The following PSIP1 variants were observed in gnomAD, a reference collection of about 807,000 sequenced individuals.
PSIP1 encodes the protein PC4 and SRSF1 interacting protein 1.
PSIP1 carries 19 observed loss-of-function variants against 74.7 expected under a neutral mutation model. That is an observed-to-expected ratio of 0.25 (90% confidence interval 0.18 to 0.37). The LOEUF (loss-of-function observed/expected upper bound fraction) is 0.37, where lower values mean the gene tolerates loss of function less well. Among genes scored for constraint, PSIP1 ranks in the 10% least tolerant of loss-of-function variants. The pLI is 1.00. For synonymous variants in PSIP1, 222 were observed against 195.3 expected, an observed-to-expected ratio of 1.14 and a Z score of -1.14; for missense variants, 601 against 614.3, an observed-to-expected ratio of 0.98 and a Z score of 0.23.
chr9:15,507,573 G>C (rs1054904604), intron 2 of PSIP1, among the ~76,000 whole-genome samples: 1 of 152,052 alleles, frequency 6.6e-6, no homozygotes, highest in South Asian at 2.1e-4. Flanking sequence ...GGGCAACAGA[G>C]GTTGCAGTGA....
In PSIP1 at chr9:15,501,817, T is replaced by A. The variant is rs138491194; in HGVS notation, c.149+4744A>T. On this transcript the variant is annotated intron_variant, in intron 3 of 15. Coordinates refer to ENST00000380733, the MANE Select transcript of PSIP1 (RefSeq NM_033222.5). ...CTGCAGATACCAAAATTCACAGATG[T>A]TTAAGTCCCTTATATAAAACAGCAT... 4.1e-3 allele frequency among the ~76,000 whole-genome samples: 551 copies of A among 133,688 alleles called. 7 individuals carry two copies. The highest frequency in any genetic ancestry group is 0.017 in the African/African-American group (513 of 30,750). The allele number at this position is 133,688 out of a possible 152,430, so 87.7% of individuals were successfully genotyped here. A position where few individuals can be genotyped will look rare whatever the true frequency, so the allele number is the denominator to read the frequency against.
chr9:15,507,595 G>A (rs1285384058), intron 2 of PSIP1, among the ~76,000 whole-genome samples: 1 of 152,062 alleles, frequency 6.6e-6, no homozygotes, highest in Non-Finnish European at 1.5e-5. Context: ...CCGAGATCAT[G>A]CCACTGCACT....
chr9:15,480,635 T>C (rs1015580130), intron 6 of PSIP1, among the ~76,000 whole-genome samples: 1 of 152,202 alleles, frequency 6.6e-6, no homozygotes. Context: ...CAAATCTCTA[T>C]ATAGGGCTGG....
In PSIP1 at chr9:15,497,713, G is replaced by A. The variant is rs1193435798; in HGVS notation, c.150-7589C>T. Among the ~76,000 whole-genome samples the A allele has an allele frequency of 2.6e-5, 4 of 151,962 alleles. No homozygotes were observed. The East Asian group carries it at 7.7e-4, about 29-fold the overall frequency. On this transcript the variant is annotated intron_variant, in intron 3 of 15. Coordinates refer to ENST00000380733, the MANE Select transcript of PSIP1 (RefSeq NM_033222.5). ...GTGGGAAAGAAGATTGGGTAGAAAT[G>A]GAAAGTAAATGCTAATGAATACATG...
Position 15,474,477 on chromosome 9 carries a change from A to T in PSIP1, c.630-240T>A, listed in dbSNP as rs1286774790. Among the ~76,000 whole-genome samples, 3 of 152,238 alleles carry T rather than the reference A, an allele frequency of 2.0e-5. No homozygotes were observed. In the East Asian group the frequency reaches 5.8e-4, roughly 29 times the overall value. ...TAAATTCTACATATTTGTAAGAATA[A>T]ATTATGTTTAAAAAGTAGACACACT... On this transcript the variant is annotated intron_variant, in intron 8 of 15. Transcript: ENST00000380733.
At chr9:15,494,295 G>C (rs939838033) in intron 3 of PSIP1, among the ~76,000 whole-genome samples, 6 of 152,058 alleles carry the variant, frequency 3.9e-5, no homozygotes, top group African/African-American at 1.4e-4. Context: ...GGCTGGGCGT[G>C]GTGGCTCATG....
intron 4 of PSIP1, among the ~76,000 whole-genome samples, chr9:15,488,840 T>G (rs925850521): frequency 2.0e-5 from 3 of 151,970 alleles, no homozygotes; most frequent in Non-Finnish European, 2.9e-5. Flanking sequence ...GCTAACACGG[T>G]GAAACCCCGT....
Position 15,464,474 on chromosome 9 carries a change from G to C in PSIP1, c.*1046C>G, listed in dbSNP as rs1303295514. The C allele has an allele frequency of 5.0e-6, 1 of 200,856 alleles. No individual in the cohort carries two copies. The highest frequency in any genetic ancestry group is 2.3e-5 in the African/African-American group (1 of 43,508). The allele number at this position is 200,856 out of a possible 1,614,324, so 12.4% of individuals were successfully genotyped here. A position where few individuals can be genotyped will look rare whatever the true frequency, so the allele number is the denominator to read the frequency against. On this transcript the variant is annotated 3_prime_UTR_variant, in exon 16 of 16. Coordinates refer to ENST00000380733, the MANE Select transcript of PSIP1 (RefSeq NM_033222.5). ...TAACATTGATTTTACCCTGGATTTA[G>C]TCCATACACGTCAATGTACAGACTT...
rs545089669 is a variant in PSIP1 at position 15,495,643 on chromosome 9, T to C, written c.150-5519A>G. Among the ~76,000 whole-genome samples the C allele has an allele frequency of 5.9e-5, 9 of 152,340 alleles. No homozygotes were observed. In the East Asian group the frequency reaches 1.2e-3, roughly 20 times the overall value. The stretch of plus-strand genomic sequence containing the variant: ...TTTATTATGATATGGAATGCGTCTA[T>C]CTTCTATGCCTTGGCAAACTGTCAT... On this transcript the variant is annotated intron_variant, in intron 3 of 15. Transcript: ENST00000380733.
chr9:15,506,467 T>C (rs2132240986), intron 3 of PSIP1, 94 bp downstream of exon 3: 1 of 880,562 alleles, frequency 1.1e-6, no homozygotes. Context: ...TAAAGTTTCC[T>C]ATTACGTTAC....
At position 15,469,339 on chromosome 9, in the gene PSIP1, A is replaced by T; in HGVS notation, c.1034-3T>A. On this transcript the variant is annotated splice_polypyrimidine_tract_variant and splice_region_variant and intron_variant, in intron 11 of 15. Transcript: ENST00000380733. ...AAGTCGAGAATCCATTGATGTTTCT[A>T]CAAATTAAAATATGTGAAAAACAGT... The T allele has an allele frequency of 6.5e-7, 1 of 1,546,412 alleles. No homozygotes were observed. Among genetic ancestry groups the T allele is most frequent in the Non-Finnish European group, 8.8e-7 (1 of 1,136,476 alleles).
chr9:15,465,845 C>T, intron 15 of PSIP1: 1 of 352,034 alleles, frequency 2.8e-6, no homozygotes, highest in South Asian at 9.0e-5. Context: ...CAAGCCCTTT[C>T]CATCATTTCT....
chr9:15,470,203 C>G (rs1051637295), intron 10 of PSIP1, among the ~76,000 whole-genome samples: 1 of 152,138 alleles, frequency 6.6e-6, no homozygotes, highest in Non-Finnish European at 1.5e-5. Flanking sequence ...TCATATCTGG[C>G]TTTTCAGTGA....
rs542288550 is a variant in PSIP1 at position 15,465,251 on chromosome 9, A to C, written c.*269T>G. 7.9e-6 allele frequency: 3 copies of C among 380,748 alleles called. No homozygotes were observed. The highest frequency in any genetic ancestry group is 1.4e-5 in the Non-Finnish European group (3 of 214,784). The allele number at this position is 380,748 out of a possible 1,614,324, so 23.6% of individuals were successfully genotyped here. A position where few individuals can be genotyped will look rare whatever the true frequency, so the allele number is the denominator to read the frequency against. On this transcript the variant is annotated 3_prime_UTR_variant, in exon 16 of 16. Coordinates refer to ENST00000380733, the MANE Select transcript of PSIP1 (RefSeq NM_033222.5). ...ACATTAACATACACACACTAATTGA[A>C]AATATGCTACAACCATGTCTGGAAA... is the stretch of plus-strand genomic sequence containing the variant.
chr9:15,471,373 TGA>T, intron 10 of PSIP1: 5 of 1,545,790 alleles, frequency 3.2e-6, no homozygotes, highest in Non-Finnish European at 1.8e-6. Context: ...TATTAGAATT[TGA>T]GAAAGTTACA....
intron 3 of PSIP1, among the ~76,000 whole-genome samples, chr9:15,490,682 CAAA>C (rs869054621): frequency 1.4e-4 from 8 of 57,306 alleles, no homozygotes; most frequent in Admixed American, 2.1e-4. Flanking sequence ...GACTCTGTCT[CAAA>C]AAAAAAAAAA....
At chr9:15,478,717 T>C (rs1402837942) in intron 7 of PSIP1, among the ~76,000 whole-genome samples, 165 bp from the exon 8 acceptor site, 1 of 152,138 alleles carries the variant, frequency 6.6e-6, no homozygotes, top group Admixed American at 6.5e-5. Flanking sequence ...CCACCATGGT[T>C]AAAATGAGCA....
intron 6 of PSIP1, among the ~76,000 whole-genome samples, chr9:15,482,288 G>GAA (rs111702299): frequency 2.0e-5 from 3 of 148,534 alleles, no homozygotes; most frequent in African/African-American, 7.4e-5. Flanking sequence ...AGCCTGCTGG[G>GAA]AAAAAAAAAA....
At chr9:15,484,011 C>T (rs1481632067) in intron 6 of PSIP1, among the ~76,000 whole-genome samples, 2 of 150,904 alleles carry the variant, frequency 1.3e-5, no homozygotes, top group Admixed American at 6.6e-5. Context: ...GTCTGTAATC[C>T]CAGCTACTCA....
Sources: gnomAD v4.1 joint callset for allele counts (sites outside exome capture counted in the v4.1 genomes callset) on GRCh38, gnomAD v4.1.1 for gene constraint, MANE v1.5 for transcripts, NCBI Gene and HGNC (gene_info 2026-07-23, HGNC 2026-07-21) for gene names.